UHRF1: variants seen among roughly 807,000 people sequenced by gnomAD.
The protein encoded by UHRF1 is E3 ubiquitin-protein ligase UHRF1.
Under a neutral mutation model 96.5 loss-of-function variants are expected in UHRF1, and 9 were observed. The ratio of observed to expected loss-of-function variants is 0.09; its 90% CI spans 0.06 to 0.16. The LOEUF (loss-of-function observed/expected upper bound fraction) is 0.16, where lower values mean the gene tolerates loss of function less well. Among genes scored for constraint, UHRF1 ranks in the 10% least tolerant of loss-of-function variants. UHRF1 has a pLI of 1.00. For missense variants in UHRF1, 626 were observed against 1,131.1 expected (o/e 0.55, Z 6.40); for synonymous variants, 455 against 469.9 (o/e 0.97, Z 0.41).
At chr19:4,934,621 C>G (rs1212854125) in intron 5 of UHRF1, among the ~76,000 whole-genome samples, 3 of 152,204 alleles carry the variant, frequency 2.0e-5, no homozygotes, top group Non-Finnish European at 4.4e-5. Flanking sequence ...AGGCTGTAGC[C>G]TGGTCGGAAT....
chr19:4,911,770 G>T lies in UHRF1; in HGVS notation c.153+732G>T, dbSNP rs1443034512. On this transcript the variant is annotated intron_variant, in intron 2 of 16. Transcript: ENST00000650932. ...TACTTTGGTTGGTGTTTTTGTGGGGGACTGTGGGACCTACTGGGAGTGGGG... is the reference window on the plus strand; with the variant it reads ...TACTTTGGTTGGTGTTTTTGTGGGGTACTGTGGGACCTACTGGGAGTGGGG... 9.6e-4 allele frequency among the ~76,000 whole-genome samples: 146 copies of T among 152,320 alleles called. 2 individuals are homozygous for T. The highest frequency in any genetic ancestry group is 1.0e-4 in the Non-Finnish European group (7 of 68,032).
chr19:4,947,026 G>T (rs1260096534), intron 10 of UHRF1, 79 bp from the exon 11 acceptor site: 5 of 1,092,572 alleles, frequency 4.6e-6, no homozygotes, highest in Non-Finnish European at 6.8e-6. Context: ...AGCCATCCTG[G>T]GGAGTTTGCT....
intron 2 of UHRF1, among the ~76,000 whole-genome samples, chr19:4,913,700 C>G (rs998506270): frequency 7.2e-5 from 11 of 151,958 alleles, no homozygotes; most frequent in Non-Finnish European, 1.6e-4. Context: ...CACTGAATTT[C>G]GTCTCCCAGG....
chr19:4,941,492 C>T (rs781513498), intron 5 of UHRF1, 36 bp from the exon 6 acceptor site: 33 of 1,560,986 alleles, frequency 2.1e-5, no homozygotes, highest in Non-Finnish European at 2.6e-5. Context: ...GGGGCCTCGG[C>T]AGGCCAGAAT....
intron 3 of UHRF1, among the ~76,000 whole-genome samples, chr19:4,929,802 A>G (rs1439010902): frequency 6.6e-6 from 1 of 151,186 alleles, no homozygotes; most frequent in Non-Finnish European, 1.5e-5. Flanking sequence ...CAGCTTTTTT[A>G]TTTTTTTATT....
chr19:4,950,808 C>G, intron 12 of UHRF1, 35 bp downstream of exon 12: 2 of 1,613,924 alleles, frequency 1.2e-6, no homozygotes, highest in Non-Finnish European at 1.7e-6. Flanking sequence ...GGGCTCTGTC[C>G]CCGCCGGGGC....
intron 5 of UHRF1, among the ~76,000 whole-genome samples, chr19:4,937,860 G>A (rs1283593380): frequency 6.6e-6 from 1 of 152,098 alleles, no homozygotes; most frequent in Admixed American, 6.6e-5. Flanking sequence ...ATTCTTTAAC[G>A]AGACCATAGG....
chr19:4,954,485 G>A lies in UHRF1; in HGVS notation c.1954G>A (p.Ala652Thr), dbSNP rs1334155269. ...TGKGKWKRKSAGGGPSRAGSP... is the reference protein window; with the variant it reads ...TGKGKWKRKSTGGGPSRAGSP... ...CAAGGGCAAGTGGAAGCGGAAGTCG[G>A]CAGGTGAGAATCTCGTGGGTGTGGG... is the stretch of plus-strand genomic sequence containing the variant. Residue 652 changes from alanine (A) to threonine (T), a missense_variant, in exon 14 of 17, where the codon GCA becomes ACA. By Grantham distance (58) the Ala-to-Thr change is moderately conservative. Transcript: ENST00000650932. The surrounding 1 kb of genome is among the most constrained non-coding windows in gnomAD (Gnocchi z 5.9). The A allele has an allele frequency of 1.2e-6, 2 of 1,608,746 alleles. No homozygotes were observed. The highest frequency in any genetic ancestry group is 8.5e-7 in the Non-Finnish European group (1 of 1,175,970).
intron 1 of UHRF1, 136 bp from the exon 2 acceptor site, chr19:4,910,740 A>G: frequency 9.5e-7 from 1 of 1,047,440 alleles, no homozygotes; most frequent in Non-Finnish European, 1.4e-6. Context: ...CTGGCTGTAC[A>G]GGAGGACTGG....
At chr19:4,909,221 T>G (rs998443898), upstream of UHRF1, 16 of 494,500 alleles carry the variant, frequency 3.2e-5, no homozygotes, top group Middle Eastern at 8.7e-4. Context: ...GTCTGTACCC[T>G]GGGGGTCCCC....
intron 15 of UHRF1, among the ~76,000 whole-genome samples, chr19:4,955,645 C>T (rs1284423052): frequency 6.6e-6 from 1 of 152,148 alleles, no homozygotes; most frequent in Non-Finnish European, 1.5e-5. Context: ...AGCTCCCACC[C>T]TACGCTGGGG....
In UHRF1 at chr19:4,944,532, G is replaced by GC; in HGVS notation, c.1305+84dup. 2.6e-6 allele frequency: 4 copies of GC among 1,509,834 alleles called. No individual in the cohort carries two copies. In the South Asian group the frequency reaches 3.4e-5, roughly 13 times the overall value. The allele number at this position is 1,509,834 out of a possible 1,614,324, so 93.5% of individuals were successfully genotyped here. A position where few individuals can be genotyped will look rare whatever the true frequency, so the allele number is the denominator to read the frequency against. ...GGGCAGTTTCTCCTGGCTTTGGCCA[G>GC]CCAGGGGTCAGGGTGGTTACCAGTG... is the stretch of plus-strand genomic sequence containing the variant. On this transcript the variant is annotated intron_variant, in intron 9 of 16. Transcript: ENST00000650932.
intron 5 of UHRF1, among the ~76,000 whole-genome samples, chr19:4,938,729 G>GTTTTTTTT (rs1568421911): frequency 2.7e-5 from 2 of 73,914 alleles, no homozygotes; most frequent in African/African-American, 1.1e-4. Context: ...GTTTTGGTCA[G>GTTTTTTTT]GTTTTTTTTT....
In UHRF1 at chr19:4,954,027, C is replaced by T. The variant is rs970126003; in HGVS notation, c.1819-323C>T. Among the ~76,000 whole-genome samples, 12 of 151,996 alleles carry T rather than the reference C, an allele frequency of 7.9e-5. No individual in the cohort carries two copies. Among genetic ancestry groups the T allele is most frequent in the South Asian group, 2.1e-4 (1 of 4,826 alleles). ...ATGCAATGTTTCATCATGCAGTGTG[C>T]GTGATGTGAGGTGGCTGTAAAGGGG... is the stretch of plus-strand genomic sequence containing the variant. On this transcript the variant is annotated intron_variant, in intron 13 of 16. Transcript: ENST00000650932. This position sits in a 1 kb window ranked among gnomAD's most constrained non-coding sequence, Gnocchi z 5.9.
Position 4,954,631 on chromosome 19 carries a change from G to T in UHRF1, c.1958-19G>T. 6.2e-7 allele frequency: 1 copy of T among 1,609,790 alleles called. No individual in the cohort carries two copies. The highest frequency in any genetic ancestry group is 8.5e-7 in the Non-Finnish European group (1 of 1,177,968). The stretch of plus-strand genomic sequence containing the variant: ...CTCGGGCCACGCGCCCCTCCCTCAC[G>T]CGCCCCACCCTCTTCCAGGAGGTGG... On this transcript the variant is annotated intron_variant, in intron 14 of 16. Transcript: ENST00000650932. The surrounding 1 kb of genome is among the most constrained non-coding windows in gnomAD (Gnocchi z 5.9).
At position 4,945,656 on chromosome 19, in the gene UHRF1, G is replaced by GT. The variant is rs34603607; in HGVS notation, c.1306-188dup. Among the ~76,000 whole-genome samples the GT allele has an allele frequency of 4.6e-3, 646 of 140,284 alleles. 2 individuals are homozygous for GT. The highest frequency in any genetic ancestry group is 7.2e-3 in the Middle Eastern group (2 of 278). The allele number at this position is 140,284 out of a possible 152,430, so 92.0% of individuals were successfully genotyped here. On this transcript the variant is annotated intron_variant, in intron 9 of 16. Transcript: ENST00000650932. ...ATGGGGCTGGAATTCACGCCAGCTG[G>GT]TTTTTTTTTTTTTTTTTCCATGGTG... is the stretch of plus-strand genomic sequence containing the variant.
intron 11 of UHRF1, among the ~76,000 whole-genome samples, chr19:4,949,654 T>C (rs1210278437): frequency 1.3e-5 from 2 of 152,036 alleles, no homozygotes; most frequent in Non-Finnish European, 2.9e-5. Flanking sequence ...CATAAAATTA[T>C]GAAAAATTAA....
Position 4,960,860 on chromosome 19 carries a change from T to C in UHRF1, c.*57T>C. 1 of 972,866 alleles carries C rather than the reference T, an allele frequency of 1.0e-6. No homozygotes were observed. Among genetic ancestry groups the C allele is most frequent in the Non-Finnish European group, 1.5e-6 (1 of 647,254 alleles). 60.3% of individuals were successfully genotyped at this position (972,866 alleles called of 1,614,324 possible). ...GAAAACGTGTCGGAGGGCTCGTTCA[T>C]CGGCACTGATTTTGTTCTTAGTGGG... On this transcript the variant is annotated 3_prime_UTR_variant, in exon 17 of 17. Coordinates refer to ENST00000650932, the MANE Select transcript of UHRF1 (RefSeq NM_001048201.3).
intron 11 of UHRF1, among the ~76,000 whole-genome samples, chr19:4,949,504 A>ACACACT (rs751511806): frequency 2.0e-5 from 3 of 147,272 alleles, no homozygotes; most frequent in Admixed American, 6.8e-5. Flanking sequence ...ACACACACAC[A>ACACACT]CTCTCACAAA....
Sources: allele counts gnomAD v4.1 joint callset (sites outside exome capture counted in the v4.1 genomes callset), GRCh38; gene constraint gnomAD v4.1.1; non-coding constraint Gnocchi (gnomAD v3.1); transcripts MANE v1.5; gene names NCBI Gene and HGNC (gene_info 2026-07-23, HGNC 2026-07-21).